INTS8: variants seen among roughly 807,000 people sequenced by gnomAD.
INTS8 encodes integrator complex subunit 8.
INTS8 carries 47 observed loss-of-function variants against 138.9 expected under a neutral mutation model. That is an observed-to-expected ratio of 0.34 (90% CI 0.27 to 0.43). The LOEUF is 0.43. INTS8 is among the 20% of genes least tolerant of loss of function. INTS8 has a pLI of 1.00. For synonymous variants in INTS8, 392 were observed against 400.9 expected (o/e 0.98, Z 0.27); for missense variants, 996 against 1,173.0 (o/e 0.85, Z 2.20).
chr8:94,873,552 C>T, intron 22 of INTS8, 75 bp downstream of exon 22: 1 of 879,518 alleles, frequency 1.1e-6, no homozygotes. Context: ...TTTGGCTGAA[C>T]TTACCCATTT....
At chr8:94,847,644 A>G (rs1231737709) in intron 10 of INTS8, among the ~76,000 whole-genome samples, 2 of 152,050 alleles carry the variant, frequency 1.3e-5, no homozygotes, top group African/African-American at 2.4e-5. Context: ...TTAGTATTAA[A>G]ATTTATTATT....
intron 13 of INTS8, among the ~76,000 whole-genome samples, chr8:94,852,904 G>A (rs1177677727): frequency 6.6e-6 from 1 of 152,112 alleles, no homozygotes. Flanking sequence ...CACTGTGCCC[G>A]ACCTGTATTT....
chr8:94,829,672 G>A (rs1327089989), intron 5 of INTS8, among the ~76,000 whole-genome samples: 2 of 152,076 alleles, frequency 1.3e-5, no homozygotes, highest in Non-Finnish European at 1.5e-5. Context: ...TCTAAGTGCC[G>A]TGACATTAAG....
intron 13 of INTS8, among the ~76,000 whole-genome samples, chr8:94,852,220 GGT>G (rs1815572500): frequency 6.6e-6 from 1 of 152,178 alleles, no homozygotes. Flanking sequence ...TGGGATTACA[GGT>G]GTGAGCCACC....
chr8:94,860,821 C>T (rs147406357), intron 16 of INTS8, among the ~76,000 whole-genome samples: 5,790 of 151,800 alleles, frequency 0.038, 119 homozygotes, highest in African/African-American at 0.05. Flanking sequence ...TTTGGGAGGC[C>T]GAGACGGGCA....
chr8:94,834,609 C>A (rs1260318473), intron 6 of INTS8, among the ~76,000 whole-genome samples: 1 of 150,802 alleles, frequency 6.6e-6, no homozygotes, highest in African/African-American at 2.4e-5. Context: ...CAGGCTGAGG[C>A]AGGAGAATCG....
rs779594257 is a variant in INTS8, at chr8:94,827,324, C to G, written c.367C>G (p.Pro123Ala). The change falls in exon 3 of 27, where the codon CCT (proline) becomes GCT (alanine). Residue 123 changes from proline (P) to alanine (A), a missense_variant. Transcript: ENST00000523731. ...ACTACTCTGCATCAGTAAAGTTCCT[C>G]CTGGGACAAAGCATGTAGACATGGA... is the stretch of plus-strand genomic sequence containing the variant. The part of the protein sequence containing the change: ...NELLCISKVP[P>A]GTKHVDMDLA... The G allele has an allele frequency of 6.2e-7, 1 of 1,613,524 alleles. No individual in the cohort carries two copies. The highest frequency in any genetic ancestry group is 8.5e-7 in the Non-Finnish European group (1 of 1,179,516).
chr8:94,862,930 A>G (rs1033190656), intron 16 of INTS8, among the ~76,000 whole-genome samples: 2 of 152,198 alleles, frequency 1.3e-5, no homozygotes, highest in African/African-American at 4.8e-5. Flanking sequence ...ATAATGGGAA[A>G]TTTGGTGATT....
At position 94,842,470 on chromosome 8, in the gene INTS8, A is replaced by C; in HGVS notation, c.1242A>C (p.Lys414Asn). ...TATTTCTTAGACCAAATAAAGAGAA[A>C]ATAGACTTTCTTCTTGAGGTATGAC... ...NQLFLRPNKE[K>N]IDFLLEVCSR... The change falls in exon 10 of 27, where the codon AAA becomes AAC. Residue 414 changes from lysine (K) to asparagine (N), a missense_variant. By Grantham distance (94) the Lys-to-Asn change is moderately conservative. Coordinates refer to ENST00000523731, the MANE Select transcript of INTS8 (RefSeq NM_017864.4). The C allele has an allele frequency of 6.2e-7, 1 of 1,603,006 alleles. No homozygotes were observed. The highest frequency in any genetic ancestry group is 8.5e-7 in the Non-Finnish European group (1 of 1,173,616).
chr8:94,880,060 A>G (rs1816743479), intron 26 of INTS8, 58 bp from the exon 27 acceptor site: 1 of 1,173,190 alleles, frequency 8.5e-7, no homozygotes, highest in Admixed American at 2.1e-5. Context: ...TATTACTTGT[A>G]CCAACAAAAC....
At chr8:94,848,298 C>A (rs950717556) in intron 10 of INTS8, among the ~76,000 whole-genome samples, 1 of 152,080 alleles carries the variant, frequency 6.6e-6, no homozygotes, top group Non-Finnish European at 1.5e-5. Flanking sequence ...GAGGCAGGAG[C>A]CACCGCACCA....
intron 16 of INTS8, among the ~76,000 whole-genome samples, chr8:94,862,795 T>G (rs1358120786): frequency 2.0e-5 from 3 of 152,026 alleles, no homozygotes; most frequent in Non-Finnish European, 4.4e-5. Context: ...AGGGATTGTG[T>G]TTTGAAAAAA....
At chr8:94,844,758 T>C (rs977988465) in intron 10 of INTS8, among the ~76,000 whole-genome samples, 1 of 151,084 alleles carries the variant, frequency 6.6e-6, no homozygotes, top group Non-Finnish European at 1.5e-5. Context: ...TTTTCTTTTT[T>C]TTTTTTTTTT....
At chr8:94,862,325 A>G (rs1816021812) in intron 16 of INTS8, among the ~76,000 whole-genome samples, 1 of 152,184 alleles carries the variant, frequency 6.6e-6, no homozygotes, top group East Asian at 1.9e-4. Flanking sequence ...GGACACCAGT[A>G]ATTTCTTAGC....
chr8:94,874,911 A>G (rs1816519633), intron 23 of INTS8, among the ~76,000 whole-genome samples: 1 of 152,190 alleles, frequency 6.6e-6, no homozygotes, highest in East Asian at 1.9e-4. Flanking sequence ...ATGAGATACC[A>G]CTTCCTACCC....
At chr8:94,847,147 C>G (rs375367701) in intron 10 of INTS8, among the ~76,000 whole-genome samples, 1 of 152,122 alleles carries the variant, frequency 6.6e-6, no homozygotes, top group African/African-American at 2.4e-5. Context: ...TCAAGTGATT[C>G]TCCTGCCTCA....
chr8:94,876,251 C>A lies in INTS8; in HGVS notation c.2793C>A (p.Tyr931Ter), dbSNP rs1452860291. 6.2e-7 allele frequency: 1 copy of A among 1,612,372 alleles called. No homozygotes were observed. Among genetic ancestry groups the A allele is most frequent in the Non-Finnish European group, 8.5e-7 (1 of 1,178,962 alleles). ...ATGCTATGGACTCCTACTACGACTA[C>A]ATATGGGATGTTACCATTTTGGAAT... is the stretch of plus-strand genomic sequence containing the variant. ...SHDAMDSYYD[Y>*]IWDVTILEYL... The change falls in exon 25 of 27, where the codon TAC (tyrosine) becomes TAA (stop). Residue 931 changes from tyrosine to a stop codon, truncating the protein, a stop_gained. Coordinates refer to ENST00000523731, the MANE Select transcript of INTS8 (RefSeq NM_017864.4). LOFTEE classifies it high-confidence loss of function.
intron 1 of INTS8, 73 bp downstream of exon 1, chr8:94,823,634 C>G (rs113908747): frequency 8.0e-7 from 1 of 1,256,906 alleles, no homozygotes. Flanking sequence ...CCTCCGCTCC[C>G]CGCCTTCTCG....
intron 3 of INTS8, 81 bp from the exon 4 acceptor site, chr8:94,827,641 C>A: frequency 8.3e-7 from 1 of 1,210,788 alleles, no homozygotes; most frequent in Non-Finnish European, 1.2e-6. Flanking sequence ...ATAATTTATA[C>A]AAACCTAAGG....
Sources: allele counts gnomAD v4.1 joint callset (sites outside exome capture counted in the v4.1 genomes callset), GRCh38; gene constraint gnomAD v4.1.1; transcripts MANE v1.5; gene names NCBI Gene and HGNC (gene_info 2026-07-23, HGNC 2026-07-21).